The following LAMB1 variants were observed in gnomAD, a reference collection of about 807,000 sequenced individuals.
The protein encoded by LAMB1 is laminin subunit beta 1, also known as laminin subunit beta-1.
LAMB1 carries 121 observed loss-of-function variants against 222.3 expected under a neutral mutation model. The observed-to-expected ratio is 0.54, with a 90% confidence interval of 0.47 to 0.63. LAMB1 has a LOEUF of 0.63. LAMB1 is among the 30% of genes least tolerant of loss of function. The pLI is 0.00. For synonymous variants in LAMB1, 794 were observed against 807.2 expected (o/e 0.98, Z 0.28); for missense variants, 2,172 against 2,240.8 (o/e 0.97, Z 0.62).
chr7:107,941,482 A>T (rs2032980013), intron 24 of LAMB1, among the ~76,000 whole-genome samples: 1 of 152,174 alleles, frequency 6.6e-6, no homozygotes. Flanking sequence ...GTTTTTCAGC[A>T]TCGGACTCAG....
chr7:107,943,523 GAAAGCTA>G (rs1303222034), intron 24 of LAMB1, among the ~76,000 whole-genome samples: 1 of 152,122 alleles, frequency 6.6e-6, no homozygotes, highest in Admixed American at 6.6e-5. Flanking sequence ...TCATCTTCCA[GAAAGCTA>G]AAAGTTACCC....
chr7:107,949,424 C>A (rs566908475), intron 24 of LAMB1, among the ~76,000 whole-genome samples: 1 of 152,256 alleles, frequency 6.6e-6, no homozygotes, highest in South Asian at 2.1e-4. Context: ...ACGATAGAGC[C>A]ATTATCTGGA....
chr7:108,001,716 C>G lies in LAMB1; in HGVS notation c.55G>C (p.Val19Leu), dbSNP rs757479645. Residue 19 changes from valine to leucine, a missense_variant, in exon 3 of 34, where the codon GTG (valine) becomes CTG (leucine). Val to Leu is a conservative substitution (Grantham distance 32). Transcript: ENST00000222399. ...FSFLALCRARVRAQEPEFSYG... is the reference protein window; with the variant it reads ...FSFLALCRARLRAQEPEFSYG... ...CTGAACTCGGGTTCCTGAGCGCGCA[C>G]TCGGGCTCTGCACAGGGCTGCGGGA... is the stretch of plus-strand genomic sequence containing the variant. The G allele has an allele frequency of 1.2e-6, 2 of 1,612,800 alleles. No individual in the cohort carries two copies. Among genetic ancestry groups the G allele is most frequent in the South Asian group, 1.1e-5 (1 of 90,954 alleles).
intron 7 of LAMB1, among the ~76,000 whole-genome samples, chr7:107,981,787 T>C (rs1327152105): frequency 6.6e-6 from 1 of 152,218 alleles, no homozygotes; most frequent in Non-Finnish European, 1.5e-5. Flanking sequence ...TATTATAAGA[T>C]AGTTAGAAAC....
chr7:107,980,190 A>C (rs147990804), intron 8 of LAMB1, among the ~76,000 whole-genome samples: 1 of 151,760 alleles, frequency 6.6e-6, no homozygotes, highest in East Asian at 1.9e-4. Flanking sequence ...TCTGGGCAAC[A>C]CAGCAAGACT....
intron 12 of LAMB1, among the ~76,000 whole-genome samples, 200 bp from the exon 13 acceptor site, chr7:107,973,271 C>T (rs1474014163): frequency 6.6e-6 from 1 of 152,208 alleles, no homozygotes; most frequent in Non-Finnish European, 1.5e-5. Flanking sequence ...GAGCCGTTCA[C>T]AATCACAGGA....
chr7:107,986,979 TCAAA>T (rs909628338), intron 5 of LAMB1, among the ~76,000 whole-genome samples: 3 of 152,192 alleles, frequency 2.0e-5, no homozygotes, highest in African/African-American at 7.2e-5. Flanking sequence ...AAACAGGAAC[TCAAA>T]CAGACACTTG....
intron 9 of LAMB1, among the ~76,000 whole-genome samples, chr7:107,976,575 C>T (rs1157157349): frequency 6.6e-6 from 1 of 152,178 alleles, no homozygotes; most frequent in Non-Finnish European, 1.5e-5. Flanking sequence ...TGAGCCTCTG[C>T]ACTCCAGCCT....
rs753916079 is a variant in LAMB1, at chr7:107,937,245, G to A, written c.3794C>T (p.Ala1265Val). The A allele has an allele frequency of 3.1e-6, 5 of 1,613,660 alleles. No individual in the cohort carries two copies. The highest frequency in any genetic ancestry group is 2.2e-5 in the East Asian group (1 of 44,868). ...KLIKDVTEMM[A>V]QVEVKLSDTT... ...GTCAGATAATTTCACTTCTACTTGA[G>A]CCATCATTTCTGTAACATCTTTAAT... Residue 1265 changes from alanine to valine, a missense_variant, in exon 26 of 34, where the codon GCT (alanine) becomes GTT (valine). Coordinates refer to ENST00000222399, the MANE Select transcript of LAMB1 (RefSeq NM_002291.3).
At chr7:107,926,681 C>T (rs1346296653) in intron 31 of LAMB1, among the ~76,000 whole-genome samples, 2 of 152,068 alleles carry the variant, frequency 1.3e-5, no homozygotes, top group Admixed American at 6.6e-5. Context: ...ATTTTAAGGA[C>T]ACCTGCAAAC....
rs140421941 is a variant in LAMB1 at position 107,999,519 on chromosome 7, T to C, written c.214-1027A>G. 3.4e-3 allele frequency among the ~76,000 whole-genome samples: 517 copies of C among 152,304 alleles called. 2 individuals are homozygous for C. The highest frequency in any genetic ancestry group is 0.012 in the African/African-American group (493 of 41,568). On this transcript the variant is annotated intron_variant, in intron 3 of 33. Transcript: ENST00000222399. ...TACGTTGTATTTCACATCGTATTTATTTAGTTATTACCTTCTTCTCAAAAG... is the reference window on the plus strand; with the variant it reads ...TACGTTGTATTTCACATCGTATTTACTTAGTTATTACCTTCTTCTCAAAAG...
In LAMB1 at chr7:107,984,795, A is replaced by G. The variant is rs183748001; in HGVS notation, c.676+1227T>C. ...CAAATATCACATAGGACATGGTTATACCAACCACAAATATTGCATGAGACA... is the reference window on the plus strand; with the variant it reads ...CAAATATCACATAGGACATGGTTATGCCAACCACAAATATTGCATGAGACA... On this transcript the variant is annotated intron_variant, in intron 7 of 33. Coordinates refer to ENST00000222399, the MANE Select transcript of LAMB1 (RefSeq NM_002291.3). 3.8e-4 allele frequency among the ~76,000 whole-genome samples: 58 copies of G among 152,386 alleles called. 1 individual carries two copies. The Middle Eastern group carries it at 0.02, about 54-fold the overall frequency.
chr7:107,975,040 T>C lies in LAMB1; in HGVS notation c.1428A>G (p.Thr476=), dbSNP rs1244622139. 6.2e-7 allele frequency: 1 copy of C among 1,613,434 alleles called. No homozygotes were observed. Among genetic ancestry groups the C allele is most frequent in the Non-Finnish European group, 8.5e-7 (1 of 1,179,582 alleles). The change falls in exon 12 of 34, where the codon ACA becomes ACG. Residue 476 remains threonine (T), a synonymous_variant. Transcript: ENST00000222399. The stretch of plus-strand genomic sequence containing the variant: ...CCAGACGCTTGCAGTAGCAGTGACC[T>C]GTCTCGGAATCACAAGGATTCCCTC... ...IPGGNPCDSE[T]GHCYCKRLVT... is the part of the protein sequence containing the mutation.
intron 5 of LAMB1, among the ~76,000 whole-genome samples, chr7:107,987,354 G>C (rs1253201892): frequency 6.6e-6 from 1 of 152,162 alleles, no homozygotes; most frequent in Admixed American, 6.6e-5. Context: ...TCTGGAAATA[G>C]ACAGTCTTAG....
intron 22 of LAMB1, 54 bp downstream of exon 22, chr7:107,953,476 G>GA (rs2033304005): frequency 3.1e-6 from 4 of 1,274,490 alleles, no homozygotes; most frequent in African/African-American, 1.5e-5. Flanking sequence ...TGCTGATAAT[G>GA]AAAAAAAGGT....
At chr7:107,995,899 G>A (rs2034272701) in intron 4 of LAMB1, among the ~76,000 whole-genome samples, 1 of 152,004 alleles carries the variant, frequency 6.6e-6, no homozygotes, top group African/African-American at 2.4e-5. Flanking sequence ...AAATCAGGAG[G>A]ACCTTTTGAA....
At chr7:107,945,318 T>C (rs2033092690) in intron 24 of LAMB1, among the ~76,000 whole-genome samples, 1 of 152,240 alleles carries the variant, frequency 6.6e-6, no homozygotes, top group Non-Finnish European at 1.5e-5. Context: ...AAATAGTCTA[T>C]GTACCCATTT....
intron 32 of LAMB1, 135 bp downstream of exon 32, chr7:107,926,048 T>A: frequency 1.5e-6 from 1 of 663,752 alleles, no homozygotes; most frequent in Non-Finnish European, 2.6e-6. Context: ...AAGACGGCTG[T>A]TGCAAAACAG....
At position 107,953,621 on chromosome 7, in the gene LAMB1, C is replaced by T; in HGVS notation, c.2988G>A (p.Arg996=). Residue 996 remains arginine (R), a synonymous_variant, in exon 22 of 34, where the codon AGG becomes AGA. Coordinates refer to ENST00000222399, the MANE Select transcript of LAMB1 (RefSeq NM_002291.3). ...CCGTGTGGTACAGGCACTTGAGACA[C>T]CTCCCAGTCTCCTTGTCACAGGCTT... is the stretch of plus-strand genomic sequence containing the variant. The part of the protein sequence containing the change: ...DPEACDKETG[R]CLKCLYHTEG... The T allele has an allele frequency of 1.9e-6, 3 of 1,614,160 alleles. No individual in the cohort carries two copies. The highest frequency in any genetic ancestry group is 1.1e-5 in the South Asian group (1 of 91,080).
Sources: allele counts gnomAD v4.1 joint callset (sites outside exome capture counted in the v4.1 genomes callset), GRCh38; gene constraint gnomAD v4.1.1; transcripts MANE v1.5; gene names NCBI Gene and HGNC (gene_info 2026-07-23, HGNC 2026-07-21).